The following VRK2 variants were observed in gnomAD, a reference collection of about 807,000 sequenced individuals.
VRK2 encodes serine/threonine-protein kinase VRK2.
In VRK2, 60 loss-of-function variants were observed where a neutral mutation model predicts 57.6. The observed-to-expected ratio is 1.04, with a 90% CI of 0.85 to 1.29. The LOEUF (loss-of-function observed/expected upper bound fraction) is 1.29. Ranked by LOEUF, VRK2 falls within the 50% of genes most tolerant of loss-of-function variation. VRK2 has a pLI of 0.00. For synonymous variants in VRK2, 231 were observed against 199.2 expected (o/e 1.16, Z -1.35); for missense variants, 705 against 588.1 (o/e 1.20, Z -2.06).
At chr2:58,068,566 A>T (rs1430014456) in intron 2 of VRK2, among the ~76,000 whole-genome samples, 1 of 152,130 alleles carries the variant, frequency 6.6e-6, no homozygotes, top group Non-Finnish European at 1.5e-5. Context: ...GCTTATGTGT[A>T]TATAAAACTT....
intron 7 of VRK2, among the ~76,000 whole-genome samples, chr2:58,115,569 C>T (rs912988771): frequency 2.0e-5 from 3 of 152,150 alleles, no homozygotes; most frequent in South Asian, 2.1e-4. Context: ...AAAGGCTACA[C>T]GGTGTGGTCC....
chr2:58,075,046 C>A (rs1669895903), intron 2 of VRK2, among the ~76,000 whole-genome samples: 1 of 152,044 alleles, frequency 6.6e-6, no homozygotes, highest in Non-Finnish European at 1.5e-5. Context: ...CCTTCTCCTA[C>A]CCTATACCCT....
intron 1 of VRK2, among the ~76,000 whole-genome samples, chr2:58,021,166 A>G (rs763311401): frequency 3.9e-5 from 6 of 152,248 alleles, no homozygotes; most frequent in Middle Eastern, 3.2e-3. Context: ...AAAATCACAC[A>G]TAATGCTAAT....
Position 57,936,114 on chromosome 2 carries a change from T to C in VRK2, c.-439+28275T>C, listed in dbSNP as rs1376291149. On this transcript the variant is annotated intron_variant, in intron 1 of 15. Coordinates refer to the VRK2 transcript ENST00000417641. The stretch of plus-strand genomic sequence containing the variant: ...GCCAATCAGTACCTCATCAAATATT[T>C]ATTAAGTTCTCATTCTAAGACCTTC... Among the ~76,000 whole-genome samples the C allele has an allele frequency of 2.0e-5, 3 of 152,318 alleles. No individual in the cohort carries two copies. The East Asian group carries it at 5.8e-4, about 29-fold the overall frequency.
At chr2:57,944,462 C>A (rs1671194462) in intron 1 of VRK2, among the ~76,000 whole-genome samples, 1 of 152,176 alleles carries the variant, frequency 6.6e-6, no homozygotes, top group Non-Finnish European at 1.5e-5. Context: ...CATGGCCGGG[C>A]GCGGTGGCTC....
intron 12 of VRK2, among the ~76,000 whole-genome samples, chr2:58,156,783 A>G (rs1291695328): frequency 6.6e-6 from 1 of 152,132 alleles, no homozygotes; most frequent in African/African-American, 2.4e-5. Flanking sequence ...TTCCTTGAAC[A>G]TATTTATGTA....
At chr2:58,135,027 C>A in intron 9 of VRK2, 114 bp from the exon 10 acceptor site, 10 of 1,048,736 alleles carry the variant, frequency 9.5e-6, no homozygotes, top group Admixed American at 2.3e-5. Context: ...AAAAAAAAAG[C>A]ATTGAAAGTC....
chr2:58,133,118 T>G (rs1033867806), intron 9 of VRK2, among the ~76,000 whole-genome samples: 3 of 152,182 alleles, frequency 2.0e-5, no homozygotes, highest in African/African-American at 7.2e-5. Context: ...CTAATGATTA[T>G]ATATTTGTTT....
intron 2 of VRK2, among the ~76,000 whole-genome samples, chr2:58,071,959 A>G (rs1281056436): frequency 6.6e-6 from 1 of 151,904 alleles, no homozygotes; most frequent in Non-Finnish European, 1.5e-5. Context: ...CTTTCATCAG[A>G]TGTTTGTAGT....
chr2:58,139,364 TAAATC>T (rs947123488), intron 10 of VRK2, among the ~76,000 whole-genome samples: 1 of 152,088 alleles, frequency 6.6e-6, no homozygotes, highest in African/African-American at 2.4e-5. Flanking sequence ...TTGCACCTCA[TAAATC>T]AAAATCACTA....
upstream of VRK2, among the ~76,000 whole-genome samples, chr2:58,044,842 A>T (rs1379387076): frequency 6.6e-6 from 1 of 152,186 alleles, no homozygotes; most frequent in African/African-American, 2.4e-5. Flanking sequence ...TGTTCTTTTC[A>T]ACGACTGGCA....
intron 1 of VRK2, among the ~76,000 whole-genome samples, chr2:57,923,875 T>G (rs369675149): frequency 1.3e-5 from 2 of 152,054 alleles, no homozygotes; most frequent in African/African-American, 2.4e-5. Context: ...ATTTAAGTCT[T>G]TAATTCATTT....
chr2:58,133,247 A>G (rs115493723), intron 9 of VRK2, among the ~76,000 whole-genome samples: 6,256 of 152,136 alleles, frequency 0.041, 433 homozygotes, highest in African/African-American at 0.14. Context: ...AGGATGTCAT[A>G]TAAAATTATT....
intron 2 of VRK2, among the ~76,000 whole-genome samples, chr2:58,029,647 C>G (rs1164677445): frequency 6.6e-6 from 1 of 152,078 alleles, no homozygotes; most frequent in Non-Finnish European, 1.5e-5. Context: ...TACATTGAGG[C>G]AGACATAGAC....
At chr2:57,928,648 C>T (rs1469099067) in intron 1 of VRK2, among the ~76,000 whole-genome samples, 1 of 152,168 alleles carries the variant, frequency 6.6e-6, no homozygotes, top group Non-Finnish European at 1.5e-5. Context: ...GTAGTCTTCA[C>T]AGTCTGGGCC....
intron 7 of VRK2, among the ~76,000 whole-genome samples, chr2:58,102,448 GC>G (rs1674114508): frequency 6.8e-6 from 1 of 148,138 alleles, no homozygotes; most frequent in South Asian, 2.1e-4. Context: ...AGCAGGAGTA[GC>G]CATGCTTGTA....
chr2:58,150,756 G>A (rs12472026), intron 12 of VRK2, among the ~76,000 whole-genome samples: 57,818 of 150,264 alleles, frequency 0.38, 12,701 homozygotes, highest in East Asian at 0.49. Context: ...TTTTTCTAAC[G>A]TATATAGTTA....
At chr2:58,096,449 C>A (rs1448279247) in intron 7 of VRK2, among the ~76,000 whole-genome samples, 1 of 151,850 alleles carries the variant, frequency 6.6e-6, no homozygotes, top group Non-Finnish European at 1.5e-5. Context: ...GATTCTTTAT[C>A]TCTATTTGAG....
intron 1 of VRK2, among the ~76,000 whole-genome samples, chr2:57,992,347 A>T (rs1205557290): frequency 6.6e-6 from 1 of 152,176 alleles, no homozygotes; most frequent in East Asian, 1.9e-4. Context: ...AGATAGTTTT[A>T]TGGAGAAATG....
Sources: gnomAD v4.1 joint callset for allele counts (sites outside exome capture counted in the v4.1 genomes callset) on GRCh38, gnomAD v4.1.1 for gene constraint, MANE v1.5 for transcripts, NCBI Gene and HGNC (gene_info 2026-07-23, HGNC 2026-07-21) for gene names.